The following DLGAP2 variants were observed in gnomAD, a reference collection of about 807,000 sequenced individuals.
The protein encoded by DLGAP2 is disks large-associated protein 2.
A neutral mutation model predicts 100.3 loss-of-function variants in DLGAP2; 26 were observed. The observed-to-expected ratio is 0.26, with a 90% confidence interval of 0.19 to 0.36. The LOEUF is 0.36. DLGAP2 is among the 10% of genes least tolerant of loss of function. DLGAP2 has a pLI of 1.00. For synonymous variants in DLGAP2, 886 were observed against 630.1 expected (o/e 1.41, Z -6.08); for missense variants, 1,858 against 1,453.2 (o/e 1.28, Z -4.53).
intron 2 of DLGAP2, among the ~76,000 whole-genome samples, chr8:1,113,000 G>C (rs960173403): frequency 6.6e-6 from 1 of 152,180 alleles, no homozygotes; most frequent in Non-Finnish European, 1.5e-5. Context: ...CTTTGTCTAA[G>C]ATCAGATGGT....
chr8:1,190,171 A>G (rs988007638), intron 2 of DLGAP2, among the ~76,000 whole-genome samples: 1 of 152,138 alleles, frequency 6.6e-6, no homozygotes, highest in South Asian at 2.1e-4. Flanking sequence ...CTTTAGATAA[A>G]TAGATTCCAT....
chr8:1,499,431 C>T (rs79229044), intron 3 of DLGAP2, among the ~76,000 whole-genome samples: 1,786 of 152,296 alleles, frequency 0.012, 34 homozygotes, highest in African/African-American at 0.037. Context: ...CACAGCTGGA[C>T]GCTCTGTTCT....
intron 2 of DLGAP2, among the ~76,000 whole-genome samples, chr8:1,042,246 A>G (rs1191015940): frequency 6.6e-6 from 1 of 152,218 alleles, no homozygotes; most frequent in Non-Finnish European, 1.5e-5. Flanking sequence ...GGAAGCAGGG[A>G]CATTCTTGGG....
intron 2 of DLGAP2, among the ~76,000 whole-genome samples, chr8:948,684 C>T (rs1468497995): frequency 2.0e-5 from 3 of 152,250 alleles, no homozygotes; most frequent in African/African-American, 7.2e-5. Flanking sequence ...CGCTGCCCGG[C>T]CCCACGTCTC....
At chr8:1,133,012 C>T (rs1010756740) in intron 2 of DLGAP2, among the ~76,000 whole-genome samples, 7 of 152,152 alleles carry the variant, frequency 4.6e-5, no homozygotes, top group Non-Finnish European at 2.9e-5. Context: ...TCTTCACTTC[C>T]CCCTAATCTG....
At chr8:1,631,900 C>A (rs893394164) in intron 7 of DLGAP2, among the ~76,000 whole-genome samples, 2 of 152,318 alleles carry the variant, frequency 1.3e-5, no homozygotes, top group South Asian at 4.1e-4. Flanking sequence ...TTGACCTTGC[C>A]TTTTACTCTG....
At chr8:1,631,454 A>T (rs1408756222) in intron 7 of DLGAP2, among the ~76,000 whole-genome samples, 1 of 152,144 alleles carries the variant, frequency 6.6e-6, no homozygotes. Flanking sequence ...CTTACATTGG[A>T]AGAAATTTAT....
chr8:989,172 G>C (rs1800577629), intron 2 of DLGAP2, among the ~76,000 whole-genome samples: 1 of 152,114 alleles, frequency 6.6e-6, no homozygotes, highest in Admixed American at 6.6e-5. Flanking sequence ...ACTGGCCTTT[G>C]ATCAGAGCAC....
At chr8:790,238 G>A (rs1190507958) in intron 1 of DLGAP2, among the ~76,000 whole-genome samples, 1 of 152,182 alleles carries the variant, frequency 6.6e-6, no homozygotes, top group East Asian at 1.9e-4. Flanking sequence ...AGGGGATGTT[G>A]TAGAGGCTGG....
intron 3 of DLGAP2, among the ~76,000 whole-genome samples, chr8:1,368,167 T>G (rs530512472): frequency 1.7e-3 from 262 of 152,204 alleles, no homozygotes; most frequent in Middle Eastern, 0.014. Flanking sequence ...CACATACGTG[T>G]GCATGTGTGT....
intron 1 of DLGAP2, among the ~76,000 whole-genome samples, chr8:821,419 A>T (rs1217438644): frequency 2.0e-5 from 3 of 152,266 alleles, no homozygotes; most frequent in Non-Finnish European, 4.4e-5. Context: ...TCCTTAAAAA[A>T]ACACAAGTGT....
At chr8:1,251,798 C>G (rs556408200) in intron 2 of DLGAP2, among the ~76,000 whole-genome samples, 4 of 152,212 alleles carry the variant, frequency 2.6e-5, no homozygotes, top group African/African-American at 9.6e-5. Flanking sequence ...CCCACAGTCA[C>G]GTCACGTCAT....
intron 2 of DLGAP2, among the ~76,000 whole-genome samples, chr8:979,141 G>A (rs1481256940): frequency 6.6e-6 from 1 of 152,152 alleles, no homozygotes; most frequent in African/African-American, 2.4e-5. Context: ...ATCCAGGTGA[G>A]CTCAACATTG....
intron 5 of DLGAP2, among the ~76,000 whole-genome samples, chr8:1,553,284 C>T (rs1801837207): frequency 6.6e-6 from 1 of 152,206 alleles, no homozygotes; most frequent in Admixed American, 6.5e-5. Flanking sequence ...AGTGTCTTCC[C>T]CACCTGGCGT....
intron 2 of DLGAP2, among the ~76,000 whole-genome samples, chr8:1,132,545 A>G (rs939267018): frequency 1.3e-5 from 2 of 152,240 alleles, no homozygotes; most frequent in Non-Finnish European, 2.9e-5. Context: ...ACTGTAGCAT[A>G]TATGTGTACA....
chr8:905,545 G>C (rs973127846), intron 1 of DLGAP2, among the ~76,000 whole-genome samples: 1 of 152,156 alleles, frequency 6.6e-6, no homozygotes, highest in Non-Finnish European at 1.5e-5. Flanking sequence ...GATTGCCTGA[G>C]TCCAGGGATG....
intron 3 of DLGAP2, among the ~76,000 whole-genome samples, chr8:1,322,105 A>C (rs1800914912): frequency 6.6e-6 from 1 of 152,236 alleles, no homozygotes; most frequent in Non-Finnish European, 1.5e-5. Flanking sequence ...ATGATTTAAA[A>C]AAAAGTCCCA....
intron 2 of DLGAP2, among the ~76,000 whole-genome samples, chr8:1,149,148 C>CA (rs1452772912): frequency 1.1e-4 from 16 of 150,194 alleles, no homozygotes; most frequent in Non-Finnish European, 4.4e-5. Context: ...GAATTACCCT[C>CA]TTTTTTTTTT....
In DLGAP2 at chr8:1,561,815, TA is replaced by T. The variant is rs1268646495; in HGVS notation, c.1231-3867del. ...TGGTGTTGGGGTGTCTGCACCTCGTTACTGGGGGACTGTGTGGTGTTGGGTG... is the reference window on the plus strand; with the variant it reads ...TGGTGTTGGGGTGTCTGCACCTCGTTCTGGGGGACTGTGTGGTGTTGGGTG... On this transcript the variant is annotated intron_variant, in intron 5 of 14. Transcript: ENST00000637795. 3.5e-4 allele frequency among the ~76,000 whole-genome samples: 9 copies of T among 25,922 alleles called. 1 individual carries two copies. Among genetic ancestry groups the T allele is most frequent in the African/African-American group, 1.6e-3 (9 of 5,650 alleles). The allele number at this position is 25,922 out of a possible 152,430, so 17.0% of individuals were successfully genotyped here. A position where few individuals can be genotyped will look rare whatever the true frequency, so the allele number is the denominator to read the frequency against.
Sources: allele counts gnomAD v4.1 joint callset (sites outside exome capture counted in the v4.1 genomes callset), GRCh38; gene constraint gnomAD v4.1.1; transcripts MANE v1.5; gene names NCBI Gene and HGNC (gene_info 2026-07-23, HGNC 2026-07-21).